PRRC2C: variants seen among roughly 807,000 people sequenced by gnomAD.
PRRC2C encodes the protein protein PRRC2C.
In PRRC2C, 72 loss-of-function variants were observed where a neutral mutation model predicts 317.2. The observed-to-expected ratio is 0.23, with a 90% CI of 0.19 to 0.28. PRRC2C has a LOEUF of 0.28. Among genes scored for constraint, PRRC2C ranks in the 10% least tolerant of loss-of-function variants. The pLI is 1.00. For synonymous variants in PRRC2C, 1,296 were observed against 1,205.9 expected (o/e 1.07, Z -1.55); for missense variants, 3,074 against 3,459.7 (o/e 0.89, Z 2.80).
At chr1:171,499,107 GC>G (rs1414548002) in intron 1 of PRRC2C, among the ~76,000 whole-genome samples, 2 of 152,174 alleles carry the variant, frequency 1.3e-5, no homozygotes, top group Non-Finnish European at 2.9e-5. Flanking sequence ...ATGACACTCA[GC>G]CCTACTAAGC....
chr1:171,523,126 C>A, intron 7 of PRRC2C, 95 bp from the exon 8 acceptor site: 1 of 1,184,858 alleles, frequency 8.4e-7, no homozygotes, highest in Non-Finnish European at 1.2e-6. Flanking sequence ...GTAGAAAACA[C>A]TAATGTTGAA....
At chr1:171,578,047 C>T (rs1486963833) in intron 26 of PRRC2C, among the ~76,000 whole-genome samples, 2 of 150,298 alleles carry the variant, frequency 1.3e-5, no homozygotes, top group Non-Finnish European at 3.0e-5. Flanking sequence ...CCTCCTGCCT[C>T]AGCCTCCCAA....
chr1:171,554,729 T>A (rs1341402379), intron 18 of PRRC2C, among the ~76,000 whole-genome samples: 1 of 152,236 alleles, frequency 6.6e-6, no homozygotes, highest in Non-Finnish European at 1.5e-5. Context: ...GAAGCTTAGT[T>A]TGGCTGCATA....
At chr1:171,500,909 G>GT (rs979933243) in intron 1 of PRRC2C, among the ~76,000 whole-genome samples, 2 of 151,900 alleles carry the variant, frequency 1.3e-5, no homozygotes, top group Non-Finnish European at 2.9e-5. Context: ...GTTTTGTTTT[G>GT]TTTTTTGAGA....
Position 171,557,675 on chromosome 1 carries a change from G to C in PRRC2C, c.5563G>C (p.Val1855Leu). 1 of 1,550,686 alleles carries C rather than the reference G, an allele frequency of 6.4e-7. No homozygotes were observed. The change falls in exon 19 of 35, where the codon GTC becomes CTC. Residue 1855 changes from valine to leucine, a missense_variant. Around this residue, in one of 11 missense-constraint regions of PRRC2C, gnomAD observed 640 missense variants for 676.1 expected, o/e 0.95. Transcript: ENST00000647382. ...TGCCTCAGTTTCAACCCCAGCTTCT[G>C]TCACCATTCTTGCCTCAGCCTCAAT... Reference protein sequence around the residue: ...ILASVSTPASVTILASASIPI... With the variant: ...ILASVSTPASLTILASASIPI...
intron 2 of PRRC2C, 24 bp downstream of exon 2, chr1:171,512,224 A>T: frequency 7.6e-6 from 11 of 1,440,234 alleles, no homozygotes; most frequent in Non-Finnish European, 1.1e-5. Flanking sequence ...AGTGACACTT[A>T]TGTTTTTCAT....
At chr1:171,499,802 A>C (rs188616833) in intron 1 of PRRC2C, among the ~76,000 whole-genome samples, 44 of 152,324 alleles carry the variant, frequency 2.9e-4, no homozygotes, top group African/African-American at 1.0e-3. Flanking sequence ...GGACTCAAAA[A>C]AAGACGAAAC....
chr1:171,574,365 A>T (rs376068258), intron 24 of PRRC2C, among the ~76,000 whole-genome samples: 1 of 152,198 alleles, frequency 6.6e-6, no homozygotes, highest in South Asian at 2.1e-4. Flanking sequence ...GCTGCTCTAG[A>T]TTGAAATAAG....
chr1:171,540,594 A>G lies in PRRC2C; in HGVS notation c.3128A>G (p.Lys1043Arg), dbSNP rs144082613. The change falls in exon 16 of 35, where the codon AAG becomes AGG. Residue 1043 changes from lysine (K) to arginine (R), a missense_variant. Physicochemically the swap from Lys to Arg is conservative, Grantham distance 26. This residue lies in a region of PRRC2C where 1,320 missense variants were observed against 1,395.7 expected (regional missense o/e 0.95). Transcript: ENST00000647382. ...RKEKEGEKAE[K>R]VTEKVVVKPE... ...GAGAAAGAAGGAGAAAAGGCCGAAA[A>G]GGTCACTGAAAAAGTAGTTGTAAAG... The G allele has an allele frequency of 6.2e-7, 1 of 1,613,830 alleles. No individual in the cohort carries two copies. The highest frequency in any genetic ancestry group is 1.3e-5 in the African/African-American group (1 of 74,912).
intron 6 of PRRC2C, among the ~76,000 whole-genome samples, chr1:171,520,283 A>C (rs958131884): frequency 1.3e-5 from 2 of 152,146 alleles, no homozygotes; most frequent in East Asian, 3.8e-4. Context: ...TTCCTAAAAG[A>C]AGTTTGGGAG....
chr1:171,504,946 T>C (rs987401575), intron 1 of PRRC2C, among the ~76,000 whole-genome samples: 1 of 152,144 alleles, frequency 6.6e-6, no homozygotes, highest in Non-Finnish European at 1.5e-5. Flanking sequence ...CATGTTTGTG[T>C]AGCTTTTTAA....
chr1:171,547,753 C>T (rs566538389), intron 17 of PRRC2C, among the ~76,000 whole-genome samples: 1 of 150,368 alleles, frequency 6.7e-6, no homozygotes, highest in Non-Finnish European at 1.5e-5. Flanking sequence ...AAGTGATTCT[C>T]CTGCCTCAGC....
At chr1:171,525,851 A>G (rs1165867490) in intron 10 of PRRC2C, among the ~76,000 whole-genome samples, 2 of 152,180 alleles carry the variant, frequency 1.3e-5, no homozygotes, top group Non-Finnish European at 1.5e-5. Context: ...AACATGGCAC[A>G]TTCAAGAAAT....
intron 2 of PRRC2C, chr1:171,512,494 A>C (rs965490930): frequency 1.5e-5 from 5 of 331,884 alleles, no homozygotes; most frequent in Admixed American, 1.2e-4. Context: ...ATTGATAGGC[A>C]CAGACCTATA....
chr1:171,514,555 G>A lies in PRRC2C; in HGVS notation c.310G>A (p.Ala104Thr), dbSNP rs144301794. ...TTTAAGAACACCAGAAGTGCCACCA[G>A]CACAGCCAAAACCTGGGGTTGCAGC... is the stretch of plus-strand genomic sequence containing the variant. Reference protein sequence around the residue: ...EEEKTPEVPPAQPKPGVAAPP... With the variant: ...EEEKTPEVPPTQPKPGVAAPP... The change falls in exon 4 of 35, where the codon GCA (alanine) becomes ACA (threonine). Residue 104 changes from alanine to threonine, a missense_variant. By Grantham distance (58) the Ala-to-Thr change is moderately conservative. Coordinates refer to ENST00000647382, the MANE Select transcript of PRRC2C (RefSeq NM_001387844.1). 2.8e-5 allele frequency: 44 copies of A among 1,557,388 alleles called. No homozygotes were observed. In the African/African-American group the frequency reaches 5.5e-4, roughly 19 times the overall value.
chr1:171,496,199 CTTTTTT>C (rs528654548), intron 1 of PRRC2C, among the ~76,000 whole-genome samples: 553 of 75,658 alleles, frequency 7.3e-3, no homozygotes, highest in East Asian at 0.015. Context: ...ATTTTTGTGC[CTTTTTT>C]TTTTTTTTTT....
chr1:171,564,485 T>G (rs1022083531), intron 20 of PRRC2C, among the ~76,000 whole-genome samples: 21 of 152,242 alleles, frequency 1.4e-4, no homozygotes, highest in African/African-American at 4.8e-4. Flanking sequence ...ACACTTACAT[T>G]TAACTGACTG....
At chr1:171,496,199 C>CT (rs528654548) in intron 1 of PRRC2C, among the ~76,000 whole-genome samples, 1,733 of 75,504 alleles carry the variant, frequency 0.023, 119 homozygotes, top group African/African-American at 0.058. Flanking sequence ...ATTTTTGTGC[C>CT]TTTTTTTTTT....
intron 1 of PRRC2C, among the ~76,000 whole-genome samples, chr1:171,489,080 C>T (rs900939011): frequency 3.9e-5 from 6 of 152,086 alleles, no homozygotes; most frequent in Admixed American, 3.9e-4. Flanking sequence ...TCCTCATCAC[C>T]TTGTATGGTG....
Sources: gnomAD v4.1 joint callset for allele counts (sites outside exome capture counted in the v4.1 genomes callset) on GRCh38, gnomAD v4.1.1 for gene constraint, gnomAD v4.1.1 regional missense constraint, MANE v1.5 for transcripts, NCBI Gene and HGNC (gene_info 2026-07-23, HGNC 2026-07-21) for gene names.